The following MYLK4 variants were observed in gnomAD, a reference collection of about 807,000 sequenced individuals.
MYLK4 encodes the protein myosin light chain kinase family member 4, also known as caMLCK like.
MYLK4 carries 46 observed loss-of-function variants against 48.1 expected under a neutral mutation model. The ratio of observed to expected loss-of-function variants is 0.96; its 90% CI spans 0.75 to 1.22. The LOEUF (loss-of-function observed/expected upper bound fraction) is 1.22, where lower values mean the gene tolerates loss of function less well. Ranked by LOEUF, MYLK4 falls within the 50% of genes most tolerant of loss-of-function variation. The probability of loss-of-function intolerance (pLI) is 0.00; values close to 1 mark genes in which losing one functional copy is unlikely to be tolerated. For missense variants in MYLK4, 451 were observed against 486.1 expected, an observed-to-expected ratio of 0.93 and a Z score of 0.68; for synonymous variants, 170 against 180.8, an observed-to-expected ratio of 0.94 and a Z score of 0.48.
chr6:2,747,336 A>G (rs926305631), intron 2 of MYLK4, among the ~76,000 whole-genome samples: 15 of 151,918 alleles, frequency 9.9e-5, no homozygotes, highest in African/African-American at 3.6e-4. Context: ...CCAACTTAGC[A>G]CTATCGCACT....
At chr6:2,738,736 C>T (rs1291739200) in intron 2 of MYLK4, among the ~76,000 whole-genome samples, 1 of 152,128 alleles carries the variant, frequency 6.6e-6, no homozygotes, top group Non-Finnish European at 1.5e-5. Context: ...GATCATGTGG[C>T]AAAAAACTGT....
intron 2 of MYLK4, among the ~76,000 whole-genome samples, chr6:2,714,370 T>G (rs540217072): frequency 2.0e-5 from 3 of 152,346 alleles, no homozygotes; most frequent in East Asian, 1.9e-4. Context: ...TTAATTTGCA[T>G]GTAATTGAAA....
At chr6:2,725,674 A>G (rs9391963) in intron 2 of MYLK4, among the ~76,000 whole-genome samples, 1 of 151,392 alleles carries the variant, frequency 6.6e-6, no homozygotes, top group Non-Finnish European at 1.5e-5. Context: ...AGAAAGAAAA[A>G]TTTTAAAAAG....
the MYLK4 span, among the ~76,000 whole-genome samples, chr6:2,769,694 A>G: frequency 1.3e-5 from 2 of 152,310 alleles, no homozygotes; most frequent in Non-Finnish European, 2.9e-5. Context: ...GAATAATAAT[A>G]ATATGATTGA....
At chr6:2,678,780 G>A (rs78633040) in intron 9 of MYLK4, among the ~76,000 whole-genome samples, 14,765 of 147,870 alleles carry the variant, frequency 0.1, 869 homozygotes, top group East Asian at 0.27. Context: ...GCGTGATCTC[G>A]TTTCACTGCA....
chr6:2,764,251 G>C, the MYLK4 span, among the ~76,000 whole-genome samples: 2 of 152,126 alleles, frequency 1.3e-5, no homozygotes, highest in Non-Finnish European at 2.9e-5. Flanking sequence ...TTTTTAGTTA[G>C]AAACAACTCT....
At chr6:2,752,082 T>C (rs569172135), upstream of MYLK4, among the ~76,000 whole-genome samples, 62 of 152,062 alleles carry the variant, frequency 4.1e-4, no homozygotes, top group African/African-American at 1.5e-3. Flanking sequence ...TCCAACCACA[T>C]CCTCCACCCG....
In MYLK4 at chr6:2,737,984, GGGGGGGGT is replaced by G. The variant is rs1296536741; in HGVS notation, c.159+11144_159+11151del. ...GGGGTGGGGTGCCGGGGGCGGGTGG[GGGGGGGGT>G]GGTCAATGTTATTAACCCCAGATGA... On this transcript the variant is annotated intron_variant, in intron 2 of 12. Coordinates refer to ENST00000274643, the MANE Select transcript of MYLK4 (RefSeq NM_001012418.5). Among the ~76,000 whole-genome samples the G allele has an allele frequency of 4.5e-5, 5 of 111,204 alleles. 1 individual carries two copies. Among genetic ancestry groups the G allele is most frequent in the Admixed American group, 1.9e-4 (2 of 10,290 alleles). The allele number at this position is 111,204 out of a possible 152,430, so 73.0% of individuals were successfully genotyped here. A position where few individuals can be genotyped will look rare whatever the true frequency, so the allele number is the denominator to read the frequency against.
At chr6:2,762,994 A>C in the MYLK4 span, among the ~76,000 whole-genome samples, 1 of 152,204 alleles carries the variant, frequency 6.6e-6, no homozygotes, top group Non-Finnish European at 1.5e-5. Context: ...ACACCCACAC[A>C]AGCAAAAGAA....
At chr6:2,765,574 G>C in the MYLK4 span, 2 of 1,420,794 alleles carry the variant, frequency 1.4e-6, no homozygotes, top group Admixed American at 5.9e-5. Flanking sequence ...CTCCGCGTGC[G>C]CACGGGTTGC....
At chr6:2,678,101 A>G (rs981342928) in intron 10 of MYLK4, 119 bp downstream of exon 10, 4 of 1,297,904 alleles carry the variant, frequency 3.1e-6, no homozygotes, top group Non-Finnish European at 4.3e-6. Flanking sequence ...CATTCTATCC[A>G]TGACTTTGCG....
At chr6:2,701,781 C>G (rs146811751) in intron 2 of MYLK4, among the ~76,000 whole-genome samples, 66 of 152,338 alleles carry the variant, frequency 4.3e-4, no homozygotes, top group South Asian at 8.3e-4. Context: ...ACCTCAGCCT[C>G]TCCCCACCAC....
intron 2 of MYLK4, among the ~76,000 whole-genome samples, chr6:2,743,418 A>G (rs1193603827): frequency 2.0e-5 from 3 of 152,230 alleles, no homozygotes; most frequent in Non-Finnish European, 4.4e-5. Flanking sequence ...CTTCTGACTG[A>G]ATTCCATTCC....
the MYLK4 span, among the ~76,000 whole-genome samples, chr6:2,769,672 A>G: frequency 6.6e-6 from 1 of 152,174 alleles, no homozygotes; most frequent in Admixed American, 6.5e-5. Flanking sequence ...TCCCCATAAA[A>G]CAGCATAATA....
rs138019002 is a variant in MYLK4, at chr6:2,669,939, C to T, written c.*25+1337G>A. ...GTGTTTTCCTAGCACTGATGTGTGG[C>T]CTTTACTATGAGGTACTGATTCATT... On this transcript the variant is annotated intron_variant, in intron 12 of 12. Coordinates refer to ENST00000274643, the MANE Select transcript of MYLK4 (RefSeq NM_001012418.5). Among the ~76,000 whole-genome samples, 39 of 152,314 alleles carry T rather than the reference C, an allele frequency of 2.6e-4. No homozygotes were observed. In the East Asian group the frequency reaches 6.7e-3, roughly 26 times the overall value.
intron 4 of MYLK4, among the ~76,000 whole-genome samples, chr6:2,687,596 C>T (rs747777717): frequency 3.3e-5 from 5 of 152,214 alleles, no homozygotes; most frequent in Non-Finnish European, 5.9e-5. Context: ...CCTCAGGCTT[C>T]CATGGAGCCA....
chr6:2,765,893 A>G, the MYLK4 span: 1 of 1,453,670 alleles, frequency 6.9e-7, no homozygotes, highest in South Asian at 1.3e-5. Flanking sequence ...GGCAGCCGAG[A>G]GCAGCGAGGG....
intron 12 of MYLK4, among the ~76,000 whole-genome samples, chr6:2,670,368 A>AAAC (rs1561826583): frequency 3.3e-5 from 5 of 150,634 alleles, no homozygotes; most frequent in African/African-American, 4.9e-5. Flanking sequence ...TCTATCTCAA[A>AAAC]AAACAAACAA....
chr6:2,766,001 C>A, the MYLK4 span: 1 of 1,361,126 alleles, frequency 7.3e-7, no homozygotes, highest in Non-Finnish European at 9.5e-7. Context: ...CCCCGACTTC[C>A]CGGTGGCCCG....
Sources: gnomAD v4.1 joint callset for allele counts (sites outside exome capture counted in the v4.1 genomes callset) on GRCh38, gnomAD v4.1.1 for gene constraint, MANE v1.5 for transcripts, NCBI Gene and HGNC (gene_info 2026-07-23, HGNC 2026-07-21) for gene names.